Variants in TRAF3 observed in about 807,000 individuals in gnomAD.
TRAF3 encodes TNF receptor-associated factor 3.
Under a neutral mutation model 62.3 loss-of-function variants are expected in TRAF3, and 13 were observed. The observed-to-expected ratio is 0.21, with a 90% CI of 0.14 to 0.33. The LOEUF (loss-of-function observed/expected upper bound fraction) is 0.33, where lower values mean the gene tolerates loss of function less well. Ranked by LOEUF, TRAF3 falls within the 10% of genes least tolerant of loss-of-function variation. TRAF3 has a pLI of 1.00. For synonymous variants in TRAF3, 269 were observed against 283.4 expected (o/e 0.95, Z 0.51); for missense variants, 440 against 741.8 (o/e 0.59, Z 4.73).
chr14:102,788,453 G>A (rs1897613912), intron 1 of TRAF3, among the ~76,000 whole-genome samples: 1 of 152,034 alleles, frequency 6.6e-6, no homozygotes, highest in Non-Finnish European at 1.5e-5. Flanking sequence ...CTTGAGTCCA[G>A]TAGTTTGAGA....
intron 1 of TRAF3, among the ~76,000 whole-genome samples, chr14:102,802,700 C>T (rs569495186): frequency 5.9e-5 from 9 of 151,462 alleles, no homozygotes; most frequent in Admixed American, 6.6e-5. Flanking sequence ...GTGTGGCGGG[C>T]GCCTGTAATC....
At chr14:102,792,911 G>A (rs929579492) in intron 1 of TRAF3, among the ~76,000 whole-genome samples, 1 of 151,624 alleles carries the variant, frequency 6.6e-6, no homozygotes, top group Non-Finnish European at 1.5e-5. Context: ...GTGCGATCTC[G>A]GGTCACTGCA....
intron 2 of TRAF3, among the ~76,000 whole-genome samples, chr14:102,866,115 C>T (rs1166363138): frequency 6.6e-6 from 1 of 152,200 alleles, no homozygotes; most frequent in Non-Finnish European, 1.5e-5. Context: ...AGAATGAGTT[C>T]ATGACCTTTG....
intron 6 of TRAF3, among the ~76,000 whole-genome samples, 163 bp from the exon 7 acceptor site, chr14:102,886,026 A>C (rs2139915544): frequency 6.6e-6 from 1 of 152,124 alleles, no homozygotes; most frequent in South Asian, 2.1e-4. Context: ...AGACACTCAC[A>C]CTCCGTGACA....
chr14:102,835,147 A>G (rs1885919852), intron 2 of TRAF3, among the ~76,000 whole-genome samples: 1 of 152,250 alleles, frequency 6.6e-6, no homozygotes, highest in Admixed American at 6.5e-5. Context: ...CAGGCATATG[A>G]AAAACAGCCC....
Position 102,872,937 on chromosome 14 carries a change from C to T in TRAF3, c.297+969C>T, listed in dbSNP as rs559844000. Among the ~76,000 whole-genome samples the T allele has an allele frequency of 9.2e-5, 14 of 152,228 alleles. No individual in the cohort carries two copies. The South Asian group carries it at 2.7e-3, about 29-fold the overall frequency. On this transcript the variant is annotated intron_variant, in intron 4 of 11. Transcript: ENST00000392745. ...GAACTCCTGACCTCAGGTGATCCAC[C>T]TGCCTCGGCCTCCCAAAGTGCTGGG...
rs1039753039 is a variant in TRAF3, at chr14:102,909,733, C to T, written c.*3949C>T. On this transcript the variant is annotated 3_prime_UTR_variant, in exon 12 of 12. Transcript: ENST00000392745. Reference sequence around the variant, plus strand: ...TTCTAGGCACAGCCCCTGGGACAGCCAGCTGCCTCCCAGACCACGTCAGCC... The same window carrying T: ...TTCTAGGCACAGCCCCTGGGACAGCTAGCTGCCTCCCAGACCACGTCAGCC... 6.6e-6 allele frequency: 1 copy of T among 152,308 alleles called. No individual in the cohort carries two copies. Among genetic ancestry groups the T allele is most frequent in the African/African-American group, 2.4e-5 (1 of 41,458 alleles). 9.4% of individuals were successfully genotyped at this position (152,308 alleles called of 1,614,324 possible). A position where few individuals can be genotyped will look rare whatever the true frequency, so the allele number is the denominator to read the frequency against.
intron 1 of TRAF3, among the ~76,000 whole-genome samples, chr14:102,811,550 G>GTTTTTTT (rs35064640): frequency 5.0e-5 from 4 of 79,504 alleles, no homozygotes; most frequent in South Asian, 6.2e-4. Flanking sequence ...GCTGTAGGCG[G>GTTTTTTT]TTTTTTTTTT....
At position 102,858,275 on chromosome 14, in the gene TRAF3, C is replaced by T. The variant is rs375867930; in HGVS notation, c.-17-11910C>T. Among the ~76,000 whole-genome samples, 38 of 152,186 alleles carry T rather than the reference C, an allele frequency of 2.5e-4. No individual in the cohort carries two copies. The East Asian group carries it at 2.7e-3, about 11-fold the overall frequency. ...TAAGCGATTCTCCTGCCTCAGCCTC[C>T]TGAGTAGCTGGGCTTACAGGTACGC... On this transcript the variant is annotated intron_variant, in intron 2 of 11. Transcript: ENST00000392745.
chr14:102,877,375 TC>T (rs2139865746), intron 6 of TRAF3, among the ~76,000 whole-genome samples: 1 of 146,354 alleles, frequency 6.8e-6, no homozygotes, highest in Non-Finnish European at 1.5e-5. Flanking sequence ...CCACAGGCCT[TC>T]CGCTCAATTC....
At chr14:102,783,423 T>C (rs1341288917) in intron 1 of TRAF3, among the ~76,000 whole-genome samples, 1 of 152,244 alleles carries the variant, frequency 6.6e-6, no homozygotes, top group Non-Finnish European at 1.5e-5. Flanking sequence ...AGCTCTTTCA[T>C]GTCCAGTAAT....
At chr14:102,886,108 G>A (rs993458217) in intron 6 of TRAF3, 81 bp from the exon 7 acceptor site, 1 of 1,424,546 alleles carries the variant, frequency 7.0e-7, no homozygotes, top group Non-Finnish European at 9.8e-7. Flanking sequence ...AGCCATTCCT[G>A]GGGGCCCCAT....
At chr14:102,791,466 T>C (rs1897789074) in intron 1 of TRAF3, among the ~76,000 whole-genome samples, 1 of 152,236 alleles carries the variant, frequency 6.6e-6, no homozygotes, top group Non-Finnish European at 1.5e-5. Flanking sequence ...AATGAAATTA[T>C]TTTCTTACCT....
chr14:102,820,380 C>T (rs564938772), intron 1 of TRAF3, among the ~76,000 whole-genome samples: 1 of 151,796 alleles, frequency 6.6e-6, no homozygotes, highest in East Asian at 1.9e-4. Flanking sequence ...GCCGGGGCCC[C>T]CTCTCTGCAG....
rs1890851616 is a variant in TRAF3 at position 102,911,208 on chromosome 14, G to A, written c.*5424G>A. 1.3e-5 allele frequency: 2 copies of A among 152,154 alleles called. No individual in the cohort carries two copies. The highest frequency in any genetic ancestry group is 4.8e-5 in the African/African-American group (2 of 41,434). 9.4% of individuals were successfully genotyped at this position (152,154 alleles called of 1,614,324 possible). A position where few individuals can be genotyped will look rare whatever the true frequency, so the allele number is the denominator to read the frequency against. On this transcript the variant is annotated 3_prime_UTR_variant, in exon 12 of 12. Coordinates refer to ENST00000392745, the MANE Select transcript of TRAF3 (RefSeq NM_145725.3). ...TTTTGTGACCAGTGATTTGGGTCCT[G>A]TTTTCCGCTCTTCTAAGAAAAAACA... is the stretch of plus-strand genomic sequence containing the variant.
At position 102,903,743 on chromosome 14, in the gene TRAF3, C is replaced by G. The variant is rs765703912; in HGVS notation, c.1135+314C>G. On this transcript the variant is annotated intron_variant, in intron 11 of 11. Coordinates refer to ENST00000392745, the MANE Select transcript of TRAF3 (RefSeq NM_145725.3). This position sits in a 1 kb window ranked among gnomAD's most constrained non-coding sequence, Gnocchi z 6.4. ...CGCAGGGTGACCCACAGGACAGGCCCAAGCGCAGATGGCAGAGGCCAGGAC... is the reference window on the plus strand; with the variant it reads ...CGCAGGGTGACCCACAGGACAGGCCGAAGCGCAGATGGCAGAGGCCAGGAC... 9.6e-6 allele frequency: 5 copies of G among 520,766 alleles called. No individual in the cohort carries two copies. Among genetic ancestry groups the G allele is most frequent in the African/African-American group, 9.5e-5 (5 of 52,480 alleles). The allele number at this position is 520,766 out of a possible 1,614,324, so 32.3% of individuals were successfully genotyped here.
intron 1 of TRAF3, among the ~76,000 whole-genome samples, chr14:102,783,189 T>C (rs1897336618): frequency 6.6e-6 from 1 of 152,142 alleles, no homozygotes. Context: ...AGTGGTTCCA[T>C]GTGTTTGGAA....
intron 9 of TRAF3, among the ~76,000 whole-genome samples, chr14:102,892,914 C>T (rs1396023866): frequency 1.3e-5 from 2 of 152,216 alleles, no homozygotes; most frequent in East Asian, 1.9e-4. Flanking sequence ...GCCATCTTCC[C>T]GTGAGCATAG....
chr14:102,830,595 C>T (rs1240403738), intron 2 of TRAF3, 123 bp downstream of exon 2: 2 of 152,172 alleles, frequency 1.3e-5, no homozygotes, highest in African/African-American at 4.8e-5. Flanking sequence ...TTCTTGTCTT[C>T]CCTTCTTCTG....
Sources: gnomAD v4.1 joint callset for allele counts (sites outside exome capture counted in the v4.1 genomes callset) on GRCh38, gnomAD v4.1.1 for gene constraint, Gnocchi (gnomAD v3.1) non-coding constraint, MANE v1.5 for transcripts, NCBI Gene and HGNC (gene_info 2026-07-23, HGNC 2026-07-21) for gene names.